MYO3B: variants seen among roughly 807,000 people sequenced by gnomAD.
MYO3B encodes myosin-IIIb.
Under a neutral mutation model 174.6 loss-of-function variants are expected in MYO3B, and 156 were observed. That is an observed-to-expected ratio of 0.89 (90% CI 0.78 to 1.02). The LOEUF (loss-of-function observed/expected upper bound fraction) is 1.02. Among genes scored for constraint, MYO3B ranks in the 50% least tolerant of loss-of-function variants. MYO3B has a pLI of 0.00. For synonymous variants in MYO3B, 563 were observed against 569.1 expected, an observed-to-expected ratio of 0.99 and a Z score of 0.15; for missense variants, 1,632 against 1,639.4, an observed-to-expected ratio of 1.00 and a Z score of 0.08.
rs774185728 is a variant in MYO3B, at chr2:170,236,156, T to G, written c.749+20T>G. On this transcript the variant is annotated intron_variant, in intron 7 of 34. Coordinates refer to ENST00000408978, the MANE Select transcript of MYO3B (RefSeq NM_138995.5). ...TCCAAGGTAAGACACAAGATGGCGC[T>G]CTTGACTCATTAGTTCTTTGTGAAA... is the stretch of plus-strand genomic sequence containing the variant. 3 of 1,613,902 alleles carry G rather than the reference T, an allele frequency of 1.9e-6. No homozygotes were observed. The African/African-American group carries it at 4.0e-5, about 22-fold the overall frequency.
chr2:170,464,733 T>G (rs1684511102), intron 24 of MYO3B, among the ~76,000 whole-genome samples: 1 of 152,124 alleles, frequency 6.6e-6, no homozygotes, highest in Admixed American at 6.5e-5. Flanking sequence ...CATTCTGATG[T>G]TTGGTTATTT....
chr2:170,309,523 A>G (rs2093723815), intron 7 of MYO3B, among the ~76,000 whole-genome samples: 1 of 152,134 alleles, frequency 6.6e-6, no homozygotes, highest in Non-Finnish European at 1.5e-5. Context: ...CTCTCAGCCT[A>G]GAACCTTCTC....
Position 170,389,067 on chromosome 2 carries a change from G to A in MYO3B, c.1577+1759G>A, listed in dbSNP as rs113823518. 7.3e-3 allele frequency among the ~76,000 whole-genome samples: 1,110 copies of A among 152,300 alleles called. 16 individuals are homozygous for A. The highest frequency in any genetic ancestry group is 0.026 in the African/African-American group (1,067 of 41,558). On this transcript the variant is annotated intron_variant, in intron 14 of 34. Transcript: ENST00000408978. The stretch of plus-strand genomic sequence containing the variant: ...GTGGTCTTTTACAAAGATAATGTGA[G>A]GAGAGTTCTAGGTCACTTAATGTGA...
At chr2:170,450,784 T>C (rs1175045473) in intron 23 of MYO3B, among the ~76,000 whole-genome samples, 1 of 152,192 alleles carries the variant, frequency 6.6e-6, no homozygotes, top group Non-Finnish European at 1.5e-5. Context: ...TATAACTCTT[T>C]ACAATTTTCT....
In MYO3B at chr2:170,400,129, AT is replaced by A. The variant is rs1224196886; in HGVS notation, c.1792-58del. 3.1e-6 allele frequency: 5 copies of A among 1,609,432 alleles called. No homozygotes were observed. The African/African-American group carries it at 6.7e-5, about 22-fold the overall frequency. On this transcript the variant is annotated intron_variant, in intron 16 of 34. Transcript: ENST00000408978. ...ACTAGTAGTTTCCACTACAGGTCTA[AT>A]GGTTCATTAGTTTGACTGGCAATGA...
At chr2:170,412,555 A>T (rs1274907679) in intron 22 of MYO3B, 1 of 151,964 alleles carries the variant, frequency 6.6e-6, no homozygotes, top group Admixed American at 6.5e-5. Context: ...CTTTTTTTGG[A>T]TGGGGGAGAC....
rs1553475400 is a variant in MYO3B at position 170,372,143 on chromosome 2, A to AAAC, written c.971+2778_971+2780dup. Among the ~76,000 whole-genome samples the AAAC allele has an allele frequency of 2.6e-3, 359 of 136,936 alleles. 3 individuals are homozygous for AAAC. Among genetic ancestry groups the AAAC allele is most frequent in the African/African-American group, 7.2e-3 (278 of 38,730 alleles). The allele number at this position is 136,936 out of a possible 152,430, so 89.8% of individuals were successfully genotyped here. A position where few individuals can be genotyped will look rare whatever the true frequency, so the allele number is the denominator to read the frequency against. On this transcript the variant is annotated intron_variant, in intron 9 of 34. Coordinates refer to ENST00000408978, the MANE Select transcript of MYO3B (RefSeq NM_138995.5). ...CAAAAAAAAAAAAAAAAAAAAAAAA[A>AAAC]AACAACAACAACAAAGAAAAAAATC...
chr2:170,379,427 T>A (rs2094319642), intron 9 of MYO3B, among the ~76,000 whole-genome samples: 1 of 152,162 alleles, frequency 6.6e-6, no homozygotes, highest in South Asian at 2.1e-4. Context: ...TCTCTTGACC[T>A]TGTGATCCAC....
At chr2:170,280,021 G>A (rs1310905867) in intron 7 of MYO3B, among the ~76,000 whole-genome samples, 3 of 152,078 alleles carry the variant, frequency 2.0e-5, no homozygotes, top group Admixed American at 1.3e-4. Context: ...TCTGCTTTTA[G>A]CTATTTAAGG....
In MYO3B at chr2:170,236,089, T is replaced by TC; in HGVS notation, c.706dup (p.Leu236ProfsTer3). ...CTATTGAACTGGGGGATGGAGACCC[T>TC]CCCCTCTTTGACATGCATCCTGTGA... is the stretch of plus-strand genomic sequence containing the variant. On this transcript the variant is annotated frameshift_variant, in exon 7 of 35. Transcript: ENST00000408978. LOFTEE classifies it high-confidence loss of function. 1 of 1,614,092 alleles carries TC rather than the reference T, an allele frequency of 6.2e-7. No individual in the cohort carries two copies. The highest frequency in any genetic ancestry group is 8.5e-7 in the Non-Finnish European group (1 of 1,179,996).
chr2:170,343,156 A>G (rs1042172538), intron 8 of MYO3B, among the ~76,000 whole-genome samples: 6 of 151,968 alleles, frequency 3.9e-5, no homozygotes, highest in Admixed American at 6.6e-5. Context: ...AGGCAGAGTC[A>G]AGCCAGATGT....
chr2:170,359,408 C>G (rs189398871), intron 8 of MYO3B, among the ~76,000 whole-genome samples: 71 of 152,244 alleles, frequency 4.7e-4, no homozygotes, highest in Admixed American at 1.2e-3. Context: ...TCCCTCTAAT[C>G]TACTCTCTAA....
chr2:170,539,879 C>G (rs1205866762), intron 30 of MYO3B, among the ~76,000 whole-genome samples: 4 of 152,076 alleles, frequency 2.6e-5, no homozygotes, highest in Admixed American at 2.6e-4. Flanking sequence ...GCCTCAACCT[C>G]CCGAAGTGCT....
chr2:170,423,269 C>T (rs1224782824), intron 22 of MYO3B, among the ~76,000 whole-genome samples: 3 of 152,172 alleles, frequency 2.0e-5, no homozygotes, highest in Non-Finnish European at 4.4e-5. Context: ...AGGTGTGAGC[C>T]ACCGTGCCCA....
chr2:170,400,972 G>A (rs566566781), intron 17 of MYO3B, among the ~76,000 whole-genome samples: 274 of 152,234 alleles, frequency 1.8e-3, no homozygotes, highest in African/African-American at 5.8e-3. Flanking sequence ...AAAGATACAG[G>A]AGGTTGGGCC....
chr2:170,491,587 G>A (rs1162292779), intron 25 of MYO3B, among the ~76,000 whole-genome samples: 3 of 152,210 alleles, frequency 2.0e-5, no homozygotes, highest in Non-Finnish European at 4.4e-5. Context: ...CACCATGCCC[G>A]GCTAATTTTT....
At chr2:170,501,709 G>A (rs1418873092) in intron 27 of MYO3B, 76 bp from the exon 28 acceptor site, 3 of 976,572 alleles carry the variant, frequency 3.1e-6, no homozygotes, top group Non-Finnish European at 3.2e-6. Flanking sequence ...AGGCTGGAGG[G>A]GAAAACAGCT....
chr2:170,312,090 G>C (rs538793715), intron 7 of MYO3B, among the ~76,000 whole-genome samples: 2 of 152,174 alleles, frequency 1.3e-5, no homozygotes, highest in Non-Finnish European at 2.9e-5. Context: ...CTTTTTATTT[G>C]CTCCTGACTA....
intron 28 of MYO3B, 114 bp from the exon 29 acceptor site, chr2:170,514,807 C>T (rs1688203178): frequency 1.2e-6 from 1 of 815,196 alleles, no homozygotes; most frequent in African/African-American, 1.7e-5. Context: ...ACCTTGGTGC[C>T]TTGAACCGTA....
Sources: allele counts gnomAD v4.1 joint callset (sites outside exome capture counted in the v4.1 genomes callset), GRCh38; gene constraint gnomAD v4.1.1; transcripts MANE v1.5; gene names NCBI Gene and HGNC (gene_info 2026-07-23, HGNC 2026-07-21).